ZNF540: variants seen among roughly 807,000 people sequenced by gnomAD.
ZNF540 encodes the protein zinc finger protein 540.
Under a neutral mutation model 11.8 loss-of-function variants are expected in ZNF540, and 3 were observed. The ratio of observed to expected loss-of-function variants is 0.25; its 90% CI spans 0.12 to 0.65. The LOEUF is 0.65. Ranked by LOEUF, ZNF540 falls within the 30% of genes least tolerant of loss-of-function variation. The probability of loss-of-function intolerance (pLI) is 0.83; values close to 1 mark genes in which losing one functional copy is unlikely to be tolerated. For missense variants in ZNF540, 709 were observed against 793.1 expected (o/e 0.89, Z 1.27); for synonymous variants, 247 against 259.0 (o/e 0.95, Z 0.45).
Position 37,612,899 on chromosome 19 carries a change from A to T in ZNF540, c.1619A>T (p.Glu540Val). Residue 540 changes from glutamate (E) to valine (V), a missense_variant, in exon 5 of 5, where the codon GAA becomes GTA. Glu to Val is a moderately radical substitution (Grantham distance 121). Coordinates refer to ENST00000316433, the MANE Select transcript of ZNF540 (RefSeq NM_001172225.3). ...TTTATTCGTAGAGGGAATCTTAAAG[A>T]ACATCTGAAAATTCATTCTGGTTTA... ...KAFIRRGNLK[E>V]HLKIHSGLKP... 1 of 1,614,150 alleles carries T rather than the reference A, an allele frequency of 6.2e-7. No homozygotes were observed. Among genetic ancestry groups the T allele is most frequent in the Non-Finnish European group, 8.5e-7 (1 of 1,180,002 alleles).
In ZNF540 at chr19:37,594,910, G is replaced by C. The variant is rs2043972923; in HGVS notation, c.-258G>C. ...CGGGTCCGGCGCTCCAGAACAGAAC[G>C]ATCCCTGAGGCTCCCTTGCTCGAAC... On this transcript the variant is annotated 5_prime_UTR_variant, in exon 1 of 5. Coordinates refer to ENST00000316433, the MANE Select transcript of ZNF540 (RefSeq NM_001172225.3). The C allele has an allele frequency of 6.6e-6, 1 of 152,200 alleles. No individual in the cohort carries two copies. Among genetic ancestry groups the C allele is most frequent in the Non-Finnish European group, 1.5e-5 (1 of 68,070 alleles). 9.4% of individuals were successfully genotyped at this position (152,200 alleles called of 1,614,324 possible).
At chr19:37,605,332 C>T (rs537359870) in intron 4 of ZNF540, among the ~76,000 whole-genome samples, 10 of 151,570 alleles carry the variant, frequency 6.6e-5, no homozygotes, top group Non-Finnish European at 1.5e-4. Flanking sequence ...TGGTGGTACA[C>T]ACCTGTAAAA....
chr19:37,555,762 C>A, intron 1 of ZNF540: 2 of 620,096 alleles, frequency 3.2e-6, no homozygotes, highest in Non-Finnish European at 5.8e-6. Flanking sequence ...ACATCAAATC[C>A]TGGGATATAA....
intron 1 of ZNF540, chr19:37,555,771 A>C: frequency 1.6e-6 from 1 of 622,352 alleles, no homozygotes; most frequent in South Asian, 1.9e-5. Context: ...CCTGGGATAT[A>C]AAATCTTAAT....
intron 1 of ZNF540, chr19:37,565,985 A>T (rs999098055): frequency 1.2e-6 from 2 of 1,613,914 alleles, no homozygotes; most frequent in African/African-American, 2.7e-5. Context: ...CAGGTAGCTG[A>T]AACCTTGTCT....
At chr19:37,570,220 A>T (rs1397666833) in intron 1 of ZNF540, among the ~76,000 whole-genome samples, 1 of 151,900 alleles carries the variant, frequency 6.6e-6, no homozygotes, top group African/African-American at 2.4e-5. Context: ...CATCACTAGG[A>T]CTCTTATCCC....
Position 37,582,235 on chromosome 19 carries a change from T to TTG in ZNF540, c.-72-16140_-72-16139dup, listed in dbSNP as rs1402934830. On this transcript the variant is annotated intron_variant, in intron 1 of 4. Coordinates refer to the ZNF540 transcript ENST00000592533. Reference sequence around the variant, plus strand: ...CACAATGAGGTTTTTGTTCCTCTCATTGCCAAACCCACCTTGTCAGGGTCA... The same window carrying TTG: ...CACAATGAGGTTTTTGTTCCTCTCATTGTGCCAAACCCACCTTGTCAGGGTCA... Among the ~76,000 whole-genome samples the TTG allele has an allele frequency of 5.3e-5, 8 of 152,176 alleles. No homozygotes were observed. In the East Asian group the frequency reaches 1.5e-3, roughly 29 times the overall value.
At chr19:37,561,048 C>CAAAAAAAAAAAAA (rs199892724) in intron 1 of ZNF540, among the ~76,000 whole-genome samples, 4 of 73,776 alleles carry the variant, frequency 5.4e-5, no homozygotes, top group Non-Finnish European at 1.2e-4. Flanking sequence ...CCTGTCTCTA[C>CAAAAAAAAAAAAA]AAAAAAAAAA....
chr19:37,553,072 C>T (rs1159828245), intron 1 of ZNF540, among the ~76,000 whole-genome samples: 6 of 104,572 alleles, frequency 5.7e-5, no homozygotes, highest in Admixed American at 9.8e-5. Flanking sequence ...CTTTTTAATC[C>T]GAGTCTTCAT....
In ZNF540 at chr19:37,611,586, G is replaced by C. The variant is rs952224715; in HGVS notation, c.306G>C (p.Glu102Asp). ...TTCATGAAATCAGTTTATCCAAAGA[G>C]AGTATAATAGAAAAAAGTAAAACTC... is the stretch of plus-strand genomic sequence containing the variant. Reference protein sequence around the residue: ...KDIHEISLSKESIIEKSKTLR... With the variant: ...KDIHEISLSKDSIIEKSKTLR... Residue 102 changes from glutamate to aspartate, a missense_variant, in exon 5 of 5, where the codon GAG becomes GAC. Coordinates refer to ENST00000316433, the MANE Select transcript of ZNF540 (RefSeq NM_001172225.3). 1.9e-5 allele frequency: 31 copies of C among 1,613,594 alleles called. No homozygotes were observed. The highest frequency in any genetic ancestry group is 2.6e-5 in the Non-Finnish European group (31 of 1,179,802).
intron 1 of ZNF540, among the ~76,000 whole-genome samples, chr19:37,575,297 C>T (rs2043205601): frequency 6.6e-6 from 1 of 152,186 alleles, no homozygotes; most frequent in African/African-American, 2.4e-5. Context: ...TGTAATCATA[C>T]ATTAAGATCC....
At chr19:37,573,974 C>T (rs1286479002) in intron 1 of ZNF540, among the ~76,000 whole-genome samples, 2 of 152,178 alleles carry the variant, frequency 1.3e-5, no homozygotes, top group Admixed American at 1.3e-4. Context: ...AAACCTAGGT[C>T]TCCTAATTGT....
upstream of ZNF540, among the ~76,000 whole-genome samples, chr19:37,590,767 T>G (rs1406697418): frequency 1.3e-5 from 2 of 152,134 alleles, no homozygotes; most frequent in African/African-American, 4.8e-5. Flanking sequence ...AAATAAAAAT[T>G]TTAAAAAACC....
rs1426518254 is a variant in ZNF540, at chr19:37,613,947, C to T, written c.*684C>T. 2 of 398,184 alleles carry T rather than the reference C, an allele frequency of 5.0e-6. No homozygotes were observed. Among genetic ancestry groups the T allele is most frequent in the African/African-American group, 2.1e-5 (1 of 48,598 alleles). 24.7% of individuals were successfully genotyped at this position (398,184 alleles called of 1,614,324 possible). A position where few individuals can be genotyped will look rare whatever the true frequency, so the allele number is the denominator to read the frequency against. The stretch of plus-strand genomic sequence containing the variant: ...TTATAAGAAGAAGCCAAAGAGCCAG[C>T]TAGCTCTTTCAACCACATGAGGTTA... On this transcript the variant is annotated 3_prime_UTR_variant, in exon 5 of 5. Transcript: ENST00000316433.
chr19:37,568,457 C>T (rs2045910), intron 1 of ZNF540, among the ~76,000 whole-genome samples: 1 of 151,948 alleles, frequency 6.6e-6, no homozygotes, highest in Non-Finnish European at 1.5e-5. Flanking sequence ...TGAAAGAAAT[C>T]AATGGGCTTA....
At chr19:37,598,024 T>G (rs781471342) in intron 1 of ZNF540, among the ~76,000 whole-genome samples, 2 of 152,236 alleles carry the variant, frequency 1.3e-5, no homozygotes, top group Non-Finnish European at 2.9e-5. Context: ...CTTTGGATAA[T>G]GTGGTCTGTC....
At chr19:37,573,852 AAAAG>A (rs2043152554) in intron 1 of ZNF540, among the ~76,000 whole-genome samples, 1 of 151,846 alleles carries the variant, frequency 6.6e-6, no homozygotes, top group Non-Finnish European at 1.5e-5. Context: ...AAAAGAAAGA[AAAAG>A]AAAAAAGAAA....
chr19:37,610,056 A>G (rs2044116389), intron 4 of ZNF540, among the ~76,000 whole-genome samples: 2 of 152,156 alleles, frequency 1.3e-5, no homozygotes, highest in South Asian at 4.1e-4. Flanking sequence ...TTCATTTTAT[A>G]CATTTGGTTG....
At chr19:37,566,762 T>C (rs2042875523) in intron 1 of ZNF540, among the ~76,000 whole-genome samples, 1 of 152,194 alleles carries the variant, frequency 6.6e-6, no homozygotes. Context: ...TGATCTATTC[T>C]TCATACAGCA....
Sources: gnomAD v4.1 joint callset for allele counts (sites outside exome capture counted in the v4.1 genomes callset) on GRCh38, gnomAD v4.1.1 for gene constraint, MANE v1.5 for transcripts, NCBI Gene and HGNC (gene_info 2026-07-23, HGNC 2026-07-21) for gene names.